Variants in PSD3 observed in about 807,000 individuals in gnomAD.
The protein encoded by PSD3 is PH and SEC7 domain-containing protein 3.
A neutral mutation model predicts 105.5 loss-of-function variants in PSD3; 49 were observed. The ratio of observed to expected loss-of-function variants is 0.46; its 90% CI spans 0.37 to 0.59. The LOEUF is 0.59. Among genes scored for constraint, PSD3 ranks in the 20% least tolerant of loss-of-function variants. PSD3 has a pLI of 0.00. For synonymous variants in PSD3, 557 were observed against 457.8 expected, an observed-to-expected ratio of 1.22 and a Z score of -2.77; for missense variants, 1,561 against 1,263.8, an observed-to-expected ratio of 1.24 and a Z score of -3.57.
intron 9 of PSD3, among the ~76,000 whole-genome samples, chr8:18,675,541 G>T (rs896777047): frequency 6.6e-6 from 1 of 152,074 alleles, no homozygotes; most frequent in Admixed American, 6.5e-5. Flanking sequence ...CATAAGGGGA[G>T]TCAGGCTAGG....
In PSD3 at chr8:18,571,521, C is replaced by T. The variant is rs1332999996; in HGVS notation, c.2784+1007G>A. Among the ~76,000 whole-genome samples, 3 of 152,292 alleles carry T rather than the reference C, an allele frequency of 2.0e-5. 1 individual carries two copies. Among genetic ancestry groups the T allele is most frequent in the Admixed American group, 1.3e-4 (2 of 15,296 alleles). On this transcript the variant is annotated intron_variant, in intron 14 of 15. Coordinates refer to ENST00000327040, the MANE Select transcript of PSD3 (RefSeq NM_015310.4). ...TCCACAGCTCTCTGGACTTATCCTTCCTGTACTTCTATCAAATCATTTTAC... is the reference window on the plus strand; with the variant it reads ...TCCACAGCTCTCTGGACTTATCCTTTCTGTACTTCTATCAAATCATTTTAC...
intron 11 of PSD3, among the ~76,000 whole-genome samples, chr8:18,608,400 T>C (rs1805020981): frequency 6.6e-6 from 1 of 152,100 alleles, no homozygotes; most frequent in African/African-American, 2.4e-5. Context: ...AAGAAGTGAA[T>C]GAAACCAACA....
intron 15 of PSD3, among the ~76,000 whole-genome samples, chr8:18,552,550 C>T (rs1800830103): frequency 6.6e-6 from 1 of 152,192 alleles, no homozygotes; most frequent in South Asian, 2.1e-4. Context: ...GCCTTGTAAA[C>T]TTTTACATTG....
At chr8:18,728,888 G>T (rs1803524026) in intron 9 of PSD3, among the ~76,000 whole-genome samples, 1 of 152,096 alleles carries the variant, frequency 6.6e-6, no homozygotes, top group Admixed American at 6.5e-5. Context: ...GGACAGAGAG[G>T]GTGGACGCCT....
rs544288447 is a variant in PSD3, at chr8:19,039,702, A to G, written c.324+44504T>C. On this transcript the variant is annotated intron_variant, in intron 1 of 1. Transcript: ENST00000521475. The stretch of plus-strand genomic sequence containing the variant: ...GGATGAAGTCTTACATTCATCTCTC[A>G]TCCCACATAAACAGCCTTCAAATGG... 2.0e-5 allele frequency among the ~76,000 whole-genome samples: 3 copies of G among 152,290 alleles called. No individual in the cohort carries two copies. In the East Asian group the frequency reaches 5.8e-4, roughly 29 times the overall value.
chr8:18,642,560 C>T lies in PSD3; in HGVS notation c.2217-9754G>A, dbSNP rs145869854. Among the ~76,000 whole-genome samples, 31 of 152,176 alleles carry T rather than the reference C, an allele frequency of 2.0e-4. 1 individual carries two copies. The East Asian group carries it at 5.8e-3, about 28-fold the overall frequency. On this transcript the variant is annotated intron_variant, in intron 10 of 15. Coordinates refer to ENST00000327040, the MANE Select transcript of PSD3 (RefSeq NM_015310.4). ...CTAAGAAAAATGCTTTCTTTACATC[C>T]CAGCCTCCATAATTCTTTGCTCCTC...
chr8:18,647,695 T>A (rs1230796890), intron 10 of PSD3, among the ~76,000 whole-genome samples: 4 of 151,778 alleles, frequency 2.6e-5, no homozygotes, highest in East Asian at 1.9e-4. Context: ...GTGATTTGGT[T>A]TGGATCTGTG....
chr8:18,967,366 G>C (rs1220507238), intron 1 of PSD3, among the ~76,000 whole-genome samples: 1 of 152,146 alleles, frequency 6.6e-6, no homozygotes, highest in East Asian at 1.9e-4. Flanking sequence ...TGCTGGTCAG[G>C]CTGGTCTCAA....
intron 9 of PSD3, among the ~76,000 whole-genome samples, chr8:18,688,491 T>A (rs1366950980): frequency 1.3e-5 from 2 of 152,230 alleles, no homozygotes; most frequent in Non-Finnish European, 2.9e-5. Flanking sequence ...AGCATAGTAT[T>A]CGAGCATGTG....
At chr8:19,022,920 G>A (rs919039165) in intron 1 of PSD3, among the ~76,000 whole-genome samples, 1 of 149,784 alleles carries the variant, frequency 6.7e-6, no homozygotes, top group Non-Finnish European at 1.5e-5. Flanking sequence ...CCACTTGGAC[G>A]TACTTTGCTG....
chr8:18,893,297 T>A (rs2129459845), intron 2 of PSD3, among the ~76,000 whole-genome samples: 2 of 152,064 alleles, frequency 1.3e-5, no homozygotes, highest in Middle Eastern at 6.8e-3. Flanking sequence ...ATAATATACC[T>A]CCAAAGAAAA....
chr8:18,588,223 C>T (rs1374762016), intron 12 of PSD3, among the ~76,000 whole-genome samples: 2 of 152,130 alleles, frequency 1.3e-5, no homozygotes, highest in African/African-American at 4.8e-5. Flanking sequence ...AGTCTACCTA[C>T]CTTTTTAGTT....
intron 7 of PSD3, 189 bp downstream of exon 7, chr8:18,801,081 C>A: frequency 4.8e-6 from 2 of 415,002 alleles, no homozygotes; most frequent in South Asian, 5.8e-5. Context: ...AAAAAGGCAG[C>A]TAAAAACAAA....
intron 9 of PSD3, among the ~76,000 whole-genome samples, chr8:18,667,957 G>C (rs1403764278): frequency 6.6e-6 from 1 of 152,240 alleles, no homozygotes; most frequent in Non-Finnish European, 1.5e-5. Flanking sequence ...GAGGCCAGCG[G>C]CACCGGCCGG....
chr8:18,861,863 C>T (rs956237615), intron 4 of PSD3, among the ~76,000 whole-genome samples: 7 of 152,086 alleles, frequency 4.6e-5, no homozygotes, highest in African/African-American at 1.7e-4. Flanking sequence ...ATCAGAAGTT[C>T]CACGAATGAA....
chr8:18,592,550 C>G (rs992834915), intron 12 of PSD3, among the ~76,000 whole-genome samples: 2 of 152,054 alleles, frequency 1.3e-5, no homozygotes, highest in Admixed American at 1.3e-4. Context: ...ACACTGGGAC[C>G]AATGACCAAA....
At chr8:18,538,589 G>A (rs191450816) in intron 15 of PSD3, among the ~76,000 whole-genome samples, 89 of 152,268 alleles carry the variant, frequency 5.8e-4, no homozygotes, top group Middle Eastern at 6.8e-3. Context: ...CCAGCGTAAG[G>A]CATACGATTT....
chr8:18,568,131 T>G (rs150709887), intron 14 of PSD3, among the ~76,000 whole-genome samples: 1 of 152,164 alleles, frequency 6.6e-6, no homozygotes, highest in African/African-American at 2.4e-5. Context: ...GCTTCGTGTA[T>G]AGCCTGCAGA....
chr8:18,601,385 G>C (rs1023445081), intron 11 of PSD3, among the ~76,000 whole-genome samples: 1 of 152,172 alleles, frequency 6.6e-6, no homozygotes, highest in Non-Finnish European at 1.5e-5. Context: ...TCATGCTCTT[G>C]TATCAAACAT....
Sources: gnomAD v4.1 joint callset for allele counts (sites outside exome capture counted in the v4.1 genomes callset) on GRCh38, gnomAD v4.1.1 for gene constraint, MANE v1.5 for transcripts, NCBI Gene and HGNC (gene_info 2026-07-23, HGNC 2026-07-21) for gene names.